The following HS3ST5 variants were observed in gnomAD, a reference collection of about 807,000 sequenced individuals.
HS3ST5 encodes the protein heparan sulfate-glucosamine 3-sulfotransferase 5.
HS3ST5 carries 10 observed loss-of-function variants against 25.4 expected under a neutral mutation model. The observed-to-expected ratio is 0.39, with a 90% CI of 0.24 to 0.67. HS3ST5 has a LOEUF of 0.67. Ranked by LOEUF, HS3ST5 falls within the 30% of genes least tolerant of loss-of-function variation. The pLI is 0.44. For missense variants in HS3ST5, 324 were observed against 420.7 expected (o/e 0.77, Z 2.01); for synonymous variants, 170 against 162.4 (o/e 1.05, Z -0.36).
At chr6:114,179,793 G>T (rs894930627) in intron 2 of HS3ST5, among the ~76,000 whole-genome samples, 1 of 151,860 alleles carries the variant, frequency 6.6e-6, no homozygotes, top group Non-Finnish European at 1.5e-5. Context: ...GCCAGTAGTG[G>T]CTCAGTCCAA....
chr6:114,260,184 AGT>A (rs67613970), intron 1 of HS3ST5, among the ~76,000 whole-genome samples: 25,108 of 152,066 alleles, frequency 0.17, 2,141 homozygotes, highest in Middle Eastern at 0.2. Context: ...TGCAAAATTG[AGT>A]ATTATTTGGT....
intron 3 of HS3ST5, among the ~76,000 whole-genome samples, chr6:114,063,438 C>T (rs534253555): frequency 6.6e-6 from 1 of 151,580 alleles, no homozygotes; most frequent in Non-Finnish European, 1.5e-5. Flanking sequence ...TCACTTGAAC[C>T]CAAGAGGTGG....
chr6:114,075,073 T>C (rs1440377144), intron 3 of HS3ST5, among the ~76,000 whole-genome samples: 1 of 152,194 alleles, frequency 6.6e-6, no homozygotes, highest in Non-Finnish European at 1.5e-5. Flanking sequence ...CTGCCATGCA[T>C]CAGGAACTGC....
chr6:114,123,548 A>G (rs1776893521), intron 3 of HS3ST5, among the ~76,000 whole-genome samples: 1 of 152,224 alleles, frequency 6.6e-6, no homozygotes, highest in South Asian at 2.1e-4. Flanking sequence ...CACACATTCA[A>G]GGTCCATTTT....
At chr6:114,084,833 CTT>C (rs372362974) in intron 3 of HS3ST5, 5,456 of 486,910 alleles carry the variant, frequency 0.011, no homozygotes, top group Middle Eastern at 0.021. Context: ...CTTTTCTTTT[CTT>C]TTTTTTTTTT....
At chr6:114,167,202 G>T (rs975846985) in intron 3 of HS3ST5, among the ~76,000 whole-genome samples, 2 of 152,214 alleles carry the variant, frequency 1.3e-5, no homozygotes, top group Non-Finnish European at 2.9e-5. Context: ...CTGCGCACAT[G>T]TGTGTGAGAC....
At chr6:114,258,709 T>G (rs1426074503) in intron 1 of HS3ST5, among the ~76,000 whole-genome samples, 3 of 152,126 alleles carry the variant, frequency 2.0e-5, no homozygotes, top group African/African-American at 7.2e-5. Flanking sequence ...TTCTCCCAAT[T>G]TAAAAACTGT....
At position 114,058,035 on chromosome 6, in the gene HS3ST5, T is replaced by C. The variant is rs141416529; in HGVS notation, c.263A>G (p.Gln88Arg). ...KEQVRLHDLV[Q>R]QLPKAIIIGV... ...AATGATAATGGCCTTGGGGAGCTGC[T>C]GGACCAGGTCATGGAGGCGAACCTG... Residue 88 changes from glutamine (Q) to arginine (R), a missense_variant, in exon 5 of 5, where the codon CAG becomes CGG. Around this residue, in one of 2 missense-constraint regions of HS3ST5, gnomAD observed 121 missense variants for 117.3 expected, o/e 1.03. Transcript: ENST00000312719. 4.4e-4 allele frequency: 703 copies of C among 1,614,104 alleles called. No homozygotes were observed. The highest frequency in any genetic ancestry group is 5.6e-4 in the Non-Finnish European group (663 of 1,180,046).
At chr6:114,330,372 T>C (rs1427972983) in intron 1 of HS3ST5, among the ~76,000 whole-genome samples, 3 of 152,178 alleles carry the variant, frequency 2.0e-5, no homozygotes, top group African/African-American at 7.2e-5. Context: ...TAGAGTACAG[T>C]AGTTGCTCGG....
chr6:114,214,663 G>C (rs1031714180), intron 2 of HS3ST5, among the ~76,000 whole-genome samples: 4 of 152,182 alleles, frequency 2.6e-5, no homozygotes, highest in Non-Finnish European at 5.9e-5. Flanking sequence ...ATGCCACACA[G>C]AATTTTAGCT....
intron 2 of HS3ST5, among the ~76,000 whole-genome samples, chr6:114,197,297 A>G (rs192239343): frequency 4.0e-4 from 61 of 152,024 alleles, no homozygotes; most frequent in African/African-American, 1.4e-3. Context: ...GTCCCATACA[A>G]ATTTAATAAC....
At chr6:114,246,639 G>A (rs1772393229) in intron 1 of HS3ST5, among the ~76,000 whole-genome samples, 1 of 152,100 alleles carries the variant, frequency 6.6e-6, no homozygotes, top group Non-Finnish European at 1.5e-5. Flanking sequence ...GAGAAGAAAA[G>A]AACAAAATCT....
chr6:114,326,666 T>A (rs1052648220), intron 1 of HS3ST5, among the ~76,000 whole-genome samples: 1 of 152,200 alleles, frequency 6.6e-6, no homozygotes, highest in African/African-American at 2.4e-5. Flanking sequence ...TTTTAGTCAA[T>A]GCCCTTGAAG....
intron 2 of HS3ST5, among the ~76,000 whole-genome samples, chr6:114,211,949 C>T (rs1406798048): frequency 2.6e-5 from 4 of 152,146 alleles, no homozygotes; most frequent in East Asian, 1.9e-4. Flanking sequence ...TCTGCAACAG[C>T]GTGGGAAATA....
chr6:114,326,206 T>G (rs1200381551), intron 1 of HS3ST5, among the ~76,000 whole-genome samples: 1 of 152,040 alleles, frequency 6.6e-6, no homozygotes, highest in Non-Finnish European at 1.5e-5. Flanking sequence ...CTGGGCAACA[T>G]GGCAAAACCC....
chr6:114,219,335 G>A (rs911959783), intron 2 of HS3ST5, among the ~76,000 whole-genome samples: 1 of 152,182 alleles, frequency 6.6e-6, no homozygotes, highest in Admixed American at 6.5e-5. Flanking sequence ...ATAGGTTTAC[G>A]TAGAGGGGAC....
intron 3 of HS3ST5, among the ~76,000 whole-genome samples, chr6:114,157,343 T>C (rs1778746716): frequency 6.6e-6 from 1 of 152,234 alleles, no homozygotes; most frequent in South Asian, 2.1e-4. Flanking sequence ...TTGTTCCTAA[T>C]ATACAAATCT....
chr6:114,332,035 T>C (rs970231599), intron 1 of HS3ST5, among the ~76,000 whole-genome samples: 1 of 152,072 alleles, frequency 6.6e-6, no homozygotes, highest in African/African-American at 2.4e-5. Context: ...AGAAATGAGC[T>C]CATGGACTAT....
chr6:114,178,714 G>T (rs1215980893), intron 2 of HS3ST5: 2 of 152,182 alleles, frequency 1.3e-5, no homozygotes, highest in African/African-American at 4.8e-5. Context: ...ACAATGAACA[G>T]ATCAAGGTAT....
Sources: allele counts gnomAD v4.1 joint callset (sites outside exome capture counted in the v4.1 genomes callset), GRCh38; gene constraint gnomAD v4.1.1; regional missense constraint gnomAD v4.1.1; transcripts MANE v1.5; gene names NCBI Gene and HGNC (gene_info 2026-07-23, HGNC 2026-07-21).